MCUB: variants seen among roughly 807,000 people sequenced by gnomAD.
MCUB encodes the protein mitochondrial calcium uniporter dominant negative subunit beta, also known as calcium uniporter regulatory subunit MCUb, mitochondrial.
In MCUB, 46 loss-of-function variants were observed where a neutral mutation model predicts 41.4. The ratio of observed to expected loss-of-function variants is 1.11; its 90% CI spans 0.88 to 1.42. MCUB has a LOEUF of 1.42. Among genes scored for constraint, MCUB ranks in the 40% most tolerant of loss-of-function variants. The pLI, the probability that MCUB is intolerant of heterozygous loss-of-function variation, is 0.00. For missense variants in MCUB, 403 were observed against 404.9 expected, an observed-to-expected ratio of 1.00 and a Z score of 0.04; for synonymous variants, 148 against 148.2, an observed-to-expected ratio of 1.00 and a Z score of 0.01.
At chr4:109,601,548 C>A (rs1727744655) in intron 1 of MCUB, among the ~76,000 whole-genome samples, 1 of 152,150 alleles carries the variant, frequency 6.6e-6, no homozygotes, top group African/African-American at 2.4e-5. Context: ...CATTTCTATT[C>A]ATGTTGCAAA....
At chr4:109,567,880 G>C (rs1387543612) in intron 1 of MCUB, among the ~76,000 whole-genome samples, 2 of 151,964 alleles carry the variant, frequency 1.3e-5, no homozygotes, top group African/African-American at 4.8e-5. Context: ...TGTATTTTTA[G>C]TAGAGACAGG....
rs576092543 is a variant in MCUB, at chr4:109,660,143, GTTTT to G, written c.176-47_176-44del. 2.1e-4 allele frequency: 186 copies of G among 906,898 alleles called. 1 individual carries two copies. The African/African-American group carries it at 2.8e-3, about 14-fold the overall frequency. 56.2% of individuals were successfully genotyped at this position (906,898 alleles called of 1,614,324 possible). On this transcript the variant is annotated intron_variant, in intron 2 of 7. Transcript: ENST00000394650. ...TCCTTCTAGAATTCTTGTATTTATG[GTTTT>G]TTTTAAAGTAAAATTTACTCATTTT...
chr4:109,653,391 A>G (rs925016762), intron 1 of MCUB, among the ~76,000 whole-genome samples: 11 of 152,188 alleles, frequency 7.2e-5, no homozygotes, highest in Non-Finnish European at 1.0e-4. Context: ...GAAAAAAAAA[A>G]AAAGAAAGAA....
At chr4:109,684,402 G>C (rs769823846) in intron 5 of MCUB, 41 bp from the exon 6 acceptor site, 1 of 1,495,154 alleles carries the variant, frequency 6.7e-7, no homozygotes, top group Non-Finnish European at 9.1e-7. Flanking sequence ...TTTAGTTGGT[G>C]TATTTGTAAA....
intron 1 of MCUB, among the ~76,000 whole-genome samples, chr4:109,647,603 C>T (rs1263308763): frequency 6.6e-6 from 1 of 152,152 alleles, no homozygotes; most frequent in East Asian, 1.9e-4. Context: ...AACATATTGG[C>T]TGCTTCCAAG....
intron 1 of MCUB, among the ~76,000 whole-genome samples, chr4:109,569,480 T>A (rs1457120177): frequency 6.6e-6 from 1 of 150,654 alleles, no homozygotes; most frequent in Non-Finnish European, 1.5e-5. Context: ...GGCATATAAG[T>A]ATTTTCTTGG....
At chr4:109,664,909 C>A (rs1561246528) in intron 4 of MCUB, among the ~76,000 whole-genome samples, 1 of 151,156 alleles carries the variant, frequency 6.6e-6, no homozygotes, top group Non-Finnish European at 1.5e-5. Context: ...ATCAAGAATT[C>A]AAGTATACAT....
Position 109,573,452 on chromosome 4 carries a change from CAA to C in MCUB, c.99+13030_99+13031del, listed in dbSNP as rs763163538. On this transcript the variant is annotated intron_variant, in intron 1 of 7. Transcript: ENST00000394650. The stretch of plus-strand genomic sequence containing the variant: ...TGAGCGACAGAGTGAGACTCCATCT[CAA>C]AAAAAAAAAAAAAGGAAGAGTGGTA... Among the ~76,000 whole-genome samples, 380 of 88,892 alleles carry C rather than the reference CAA, an allele frequency of 4.3e-3. 1 individual carries two copies. Among genetic ancestry groups the C allele is most frequent in the African/African-American group, 0.014 (338 of 24,434 alleles). 58.3% of individuals were successfully genotyped at this position (88,892 alleles called of 152,430 possible).
At chr4:109,612,107 C>A (rs193112434) in intron 1 of MCUB, among the ~76,000 whole-genome samples, 246 of 152,264 alleles carry the variant, frequency 1.6e-3, no homozygotes, top group African/African-American at 5.8e-3. Flanking sequence ...ATTTATTTCT[C>A]ACATTCCCGG....
At chr4:109,596,881 C>T (rs957395571) in intron 1 of MCUB, among the ~76,000 whole-genome samples, 29 of 151,586 alleles carry the variant, frequency 1.9e-4, no homozygotes, top group Non-Finnish European at 3.7e-4. Context: ...ACCCTGCGGC[C>T]TTCCGCAGTG....
intron 1 of MCUB, among the ~76,000 whole-genome samples, chr4:109,594,001 C>T (rs977122806): frequency 6.6e-6 from 1 of 152,166 alleles, no homozygotes; most frequent in African/African-American, 2.4e-5. Flanking sequence ...GTACTTGTCA[C>T]CTTGACTTGT....
intron 1 of MCUB, among the ~76,000 whole-genome samples, chr4:109,633,953 C>A (rs1728532376): frequency 8.1e-6 from 1 of 122,728 alleles, no homozygotes. Flanking sequence ...TTTATTTATT[C>A]TTTTTATTAT....
chr4:109,620,942 A>C (rs1728239453), intron 1 of MCUB, among the ~76,000 whole-genome samples: 1 of 151,180 alleles, frequency 6.6e-6, no homozygotes, highest in Non-Finnish European at 1.5e-5. Flanking sequence ...TCTGTCACCC[A>C]GGCTGGAGTG....
At chr4:109,566,048 G>T (rs188966905) in intron 1 of MCUB, among the ~76,000 whole-genome samples, 1 of 151,412 alleles carries the variant, frequency 6.6e-6, no homozygotes, top group Non-Finnish European at 1.5e-5. Context: ...TAGAGACAAG[G>T]TCTCACTATG....
Position 109,684,549 on chromosome 4 carries a change from G to C in MCUB, c.719G>C (p.Trp240Ser), listed in dbSNP as rs765707324. ...IQGGALAWLT[W>S]WVYSWDIMEP... Reference sequence around the variant, plus strand: ...GGTGGGGCACTGGCCTGGCTCACGTGGTGGGTGTACTCCTGGGATATCATG... The same window carrying C: ...GGTGGGGCACTGGCCTGGCTCACGTCGTGGGTGTACTCCTGGGATATCATG... The change falls in exon 6 of 8, where the codon TGG becomes TCG. Residue 240 changes from tryptophan to serine, a missense_variant. Coordinates refer to ENST00000394650, the MANE Select transcript of MCUB (RefSeq NM_017918.5). 1.3e-5 allele frequency: 21 copies of C among 1,611,140 alleles called. No homozygotes were observed. The highest frequency in any genetic ancestry group is 1.8e-5 in the Non-Finnish European group (21 of 1,177,300).
intron 1 of MCUB, among the ~76,000 whole-genome samples, chr4:109,610,879 A>G (rs926767588): frequency 1.3e-5 from 2 of 152,224 alleles, no homozygotes; most frequent in East Asian, 1.9e-4. Context: ...TATAATGTAC[A>G]GTAAAAATAT....
intron 1 of MCUB, among the ~76,000 whole-genome samples, chr4:109,618,688 A>G (rs1345878578): frequency 6.6e-6 from 1 of 152,246 alleles, no homozygotes; most frequent in African/African-American, 2.4e-5. Context: ...AGTTAAGTAG[A>G]ACCTATAGGG....
At chr4:109,603,834 G>A (rs1727806297) in intron 1 of MCUB, among the ~76,000 whole-genome samples, 2 of 151,942 alleles carry the variant, frequency 1.3e-5, no homozygotes, top group African/African-American at 2.4e-5. Context: ...CGGCCACCAC[G>A]TTTGGGAAGT....
At chr4:109,645,641 C>T (rs371436230) in intron 1 of MCUB, among the ~76,000 whole-genome samples, 107 of 152,294 alleles carry the variant, frequency 7.0e-4, no homozygotes, top group Admixed American at 2.2e-3. Flanking sequence ...GTTTCTTGAA[C>T]GTGGCATGCT....
Sources: gnomAD v4.1 joint callset for allele counts (sites outside exome capture counted in the v4.1 genomes callset) on GRCh38, gnomAD v4.1.1 for gene constraint, MANE v1.5 for transcripts, NCBI Gene and HGNC (gene_info 2026-07-23, HGNC 2026-07-21) for gene names.